The following CXXC5 variants were observed in gnomAD, a reference collection of about 807,000 sequenced individuals.
CXXC5 encodes CXXC-type zinc finger protein 5.
Under a neutral mutation model 17.6 loss-of-function variants are expected in CXXC5, and 2 were observed. The ratio of observed to expected loss-of-function variants is 0.11; its 90% CI spans 0.05 to 0.36. The LOEUF is 0.36. Ranked by LOEUF, CXXC5 falls within the 10% of genes least tolerant of loss-of-function variation. The probability of loss-of-function intolerance (pLI) is 1.00; values close to 1 mark genes in which losing one functional copy is unlikely to be tolerated. For synonymous variants in CXXC5, 171 were observed against 193.0 expected (o/e 0.89, Z 0.94); for missense variants, 343 against 458.3 (o/e 0.75, Z 2.30).
At chr5:139,671,231 G>A (rs1370531430) in intron 1 of CXXC5, among the ~76,000 whole-genome samples, 1 of 152,232 alleles carries the variant, frequency 6.6e-6, no homozygotes, top group African/African-American at 2.4e-5. Flanking sequence ...TGGGCTTGGT[G>A]GCTGCTGGCA....
intron 1 of CXXC5, among the ~76,000 whole-genome samples, chr5:139,671,639 A>T (rs1177207960): frequency 6.6e-6 from 1 of 152,116 alleles, no homozygotes; most frequent in Admixed American, 6.5e-5. Flanking sequence ...GAATGCCCGG[A>T]GCTCTGGCCC....
At chr5:139,678,275 AG>A (rs1388581848) in intron 1 of CXXC5, among the ~76,000 whole-genome samples, 1 of 152,172 alleles carries the variant, frequency 6.6e-6, no homozygotes, top group African/African-American at 2.4e-5. Context: ...CTCTGAGGAG[AG>A]GGGCTGAAAA....
chr5:139,673,197 G>A (rs568494106), intron 1 of CXXC5, among the ~76,000 whole-genome samples: 1 of 152,254 alleles, frequency 6.6e-6, no homozygotes, highest in South Asian at 2.1e-4. Context: ...TCAGAGATTG[G>A]GTATGAGGAT....
intron 1 of CXXC5, among the ~76,000 whole-genome samples, chr5:139,660,803 G>A (rs952892065): frequency 6.6e-6 from 1 of 151,420 alleles, no homozygotes; most frequent in Non-Finnish European, 1.5e-5. Context: ...CTGGGGTTGG[G>A]GGGAGTACAC....
At chr5:139,672,217 A>G (rs1283268962) in intron 1 of CXXC5, among the ~76,000 whole-genome samples, 1 of 152,212 alleles carries the variant, frequency 6.6e-6, no homozygotes, top group Admixed American at 6.5e-5. Context: ...TCCCAGGTTC[A>G]GGCAATTCTC....
intron 1 of CXXC5, among the ~76,000 whole-genome samples, chr5:139,678,386 A>G (rs1226673393): frequency 2.0e-5 from 3 of 152,056 alleles, no homozygotes; most frequent in Middle Eastern, 3.4e-3. Flanking sequence ...ATGCCCCCCA[A>G]CCCAGCCTGG....
chr5:139,653,615 C>T (rs948847271), intron 1 of CXXC5, among the ~76,000 whole-genome samples: 1 of 152,148 alleles, frequency 6.6e-6, no homozygotes, highest in South Asian at 2.1e-4. Context: ...TGTTGAGAAG[C>T]AGTCTGGTCC....
chr5:139,658,184 A>G lies in CXXC5; in HGVS notation c.-161+9339A>G, dbSNP rs1755593605. ...GGCTCATAGCAGTAGGCAGAAGTGG[A>G]CCTGGCCCCCTTTCTTCCTGGGGCG... On this transcript the variant is annotated intron_variant, in intron 1 of 2. Coordinates refer to ENST00000302517, the MANE Select transcript of CXXC5 (RefSeq NM_016463.9). This position sits in a 1 kb window ranked among gnomAD's most constrained non-coding sequence, Gnocchi z 4.1. Among the ~76,000 whole-genome samples, 1 of 151,972 alleles carries G rather than the reference A, an allele frequency of 6.6e-6. No individual in the cohort carries two copies. The highest frequency in any genetic ancestry group is 1.9e-4 in the East Asian group (1 of 5,184).
At chr5:139,682,784 A>G (rs1581639966) in intron 2 of CXXC5, 79 bp from the exon 3 acceptor site, 12 of 1,416,162 alleles carry the variant, frequency 8.5e-6, no homozygotes, top group Non-Finnish European at 1.1e-5. Flanking sequence ...GAGGCCATCC[A>G]TGGGGGAACG....
chr5:139,680,220 T>C (rs1757100115), intron 1 of CXXC5, 144 bp from the exon 2 acceptor site: 1 of 435,186 alleles, frequency 2.3e-6, no homozygotes, highest in Admixed American at 4.0e-5. Context: ...AAGAAATTTC[T>C]CACCAGGATG....
rs1755950763 is a variant in CXXC5 at position 139,663,809 on chromosome 5, C to A, written c.-161+14964C>A. Among the ~76,000 whole-genome samples, 1 of 152,224 alleles carries A rather than the reference C, an allele frequency of 6.6e-6. No individual in the cohort carries two copies. The highest frequency in any genetic ancestry group is 2.4e-5 in the African/African-American group (1 of 41,448). On this transcript the variant is annotated intron_variant, in intron 1 of 2. Coordinates refer to ENST00000302517, the MANE Select transcript of CXXC5 (RefSeq NM_016463.9). This position sits in a 1 kb window ranked among gnomAD's most constrained non-coding sequence, Gnocchi z 4.2. ...CTACTGCATGTGGACGCTACACTGA[C>A]CCCTTCACATAGGTCCTCTCCAGGA... is the stretch of plus-strand genomic sequence containing the variant.
rs1335366203 is a variant in CXXC5, at chr5:139,658,628, C to T, written c.-161+9783C>T. Among the ~76,000 whole-genome samples the T allele has an allele frequency of 2.6e-5, 4 of 152,220 alleles. No individual in the cohort carries two copies. The highest frequency in any genetic ancestry group is 2.0e-4 in the Admixed American group (3 of 15,288). On this transcript the variant is annotated intron_variant, in intron 1 of 2. Coordinates refer to ENST00000302517, the MANE Select transcript of CXXC5 (RefSeq NM_016463.9). This position sits in a 1 kb window ranked among gnomAD's most constrained non-coding sequence, Gnocchi z 4.1. ...GCGGTGCCCGCCCGCCCGCTGCCCA[C>T]GCTTCCCGAGGCACCAGCGTGAGGA...
At position 139,653,832 on chromosome 5, in the gene CXXC5, GCCTC is replaced by G. The variant is rs71686773; in HGVS notation, c.-161+4992_-161+4995del. ...TCTTCATTTCCTGCCTCTGATGCTG[GCCTC>G]CCTCTGGGCTCACAGGGCCTAGGAG... On this transcript the variant is annotated intron_variant, in intron 1 of 2. Transcript: ENST00000302517. Among the ~76,000 whole-genome samples, 1,465 of 152,220 alleles carry G rather than the reference GCCTC, an allele frequency of 9.6e-3. 24 individuals carry two copies. The highest frequency in any genetic ancestry group is 0.033 in the African/African-American group (1,360 of 41,510).
At chr5:139,682,819 C>A in intron 2 of CXXC5, 44 bp from the exon 3 acceptor site, 6 of 1,561,270 alleles carry the variant, frequency 3.8e-6, no homozygotes, top group Non-Finnish European at 5.2e-6. Flanking sequence ...CTACCCGGAC[C>A]CTGACTGAAC....
chr5:139,665,641 G>A (rs1370464524), intron 1 of CXXC5: 1 of 152,288 alleles, frequency 6.6e-6, no homozygotes, highest in Non-Finnish European at 1.5e-5. Context: ...ATTTTGCTTG[G>A]GAAATTAATT....
In CXXC5 at chr5:139,683,770, GGCCTGGGCCCCCCT is replaced by G. The variant is rs997934120; in HGVS notation, c.*867_*880del. The stretch of plus-strand genomic sequence containing the variant: ...GGTGGGTCCCCAGGGGGCCCCCTGC[GGCCTGGGCCCCCCT>G]GCCCACGGCCAGCTTCCTGCTGATG... On this transcript the variant is annotated 3_prime_UTR_variant, in exon 3 of 3. Transcript: ENST00000302517. 26 of 152,644 alleles carry G rather than the reference GGCCTGGGCCCCCCT, an allele frequency of 1.7e-4. No individual in the cohort carries two copies. Among genetic ancestry groups the G allele is most frequent in the African/African-American group, 6.0e-4 (25 of 41,554 alleles). The allele number at this position is 152,644 out of a possible 1,614,324, so 9.5% of individuals were successfully genotyped here.
intron 1 of CXXC5, among the ~76,000 whole-genome samples, chr5:139,672,418 G>T (rs1756532920): frequency 6.6e-6 from 1 of 152,214 alleles, no homozygotes; most frequent in South Asian, 2.1e-4. Flanking sequence ...ACAGGCCAGG[G>T]CCTGCTGTTT....
At chr5:139,678,736 T>G (rs1757007034) in intron 1 of CXXC5, among the ~76,000 whole-genome samples, 1 of 152,224 alleles carries the variant, frequency 6.6e-6, no homozygotes, top group Admixed American at 6.5e-5. Context: ...AGGGGGGTTT[T>G]GGGGTTGCCT....
Position 139,670,211 on chromosome 5 carries a change from A to G in CXXC5, c.-160-10153A>G, listed in dbSNP as rs76495308. On this transcript the variant is annotated intron_variant, in intron 1 of 2. Transcript: ENST00000302517. This position sits in a 1 kb window ranked among gnomAD's most constrained non-coding sequence, Gnocchi z 4.2. ...CTCCCGCCTCTCGCCTGCCTCCCCCACGCCTCTGCAGGGAGGGCCTGCGGT... is the reference window on the plus strand; with the variant it reads ...CTCCCGCCTCTCGCCTGCCTCCCCCGCGCCTCTGCAGGGAGGGCCTGCGGT... Among the ~76,000 whole-genome samples, 190 of 151,906 alleles carry G rather than the reference A, an allele frequency of 1.3e-3. 6 individuals are homozygous for G. The East Asian group carries it at 0.034, about 27-fold the overall frequency.
Sources: gnomAD v4.1 joint callset for allele counts (sites outside exome capture counted in the v4.1 genomes callset) on GRCh38, gnomAD v4.1.1 for gene constraint, Gnocchi (gnomAD v3.1) non-coding constraint, MANE v1.5 for transcripts, NCBI Gene and HGNC (gene_info 2026-07-23, HGNC 2026-07-21) for gene names.